LRRTM4: variants seen among roughly 807,000 people sequenced by gnomAD.
The protein encoded by LRRTM4 is leucine-rich repeat transmembrane neuronal protein 4.
Under a neutral mutation model 47.6 loss-of-function variants are expected in LRRTM4, and 25 were observed. The ratio of observed to expected loss-of-function variants is 0.53; its 90% CI spans 0.38 to 0.73. The LOEUF (loss-of-function observed/expected upper bound fraction) is 0.73, where lower values mean the gene tolerates loss of function less well. LRRTM4 is among the 30% of genes least tolerant of loss of function. The pLI is 0.00. For missense variants in LRRTM4, 638 were observed against 713.4 expected (o/e 0.89, Z 1.20); for synonymous variants, 311 against 269.5 (o/e 1.15, Z -1.51).
intron 3 of LRRTM4, among the ~76,000 whole-genome samples, chr2:77,080,261 GTTTTCAATCTCCT>G (rs1680488329): frequency 6.6e-6 from 1 of 152,090 alleles, no homozygotes. Flanking sequence ...CTGGTTGGTT[GTTTTCAATCTCCT>G]TTTTTTGACC....
At chr2:77,296,598 A>G (rs1199502540) in intron 3 of LRRTM4, among the ~76,000 whole-genome samples, 1 of 152,200 alleles carries the variant, frequency 6.6e-6, no homozygotes, top group Non-Finnish European at 1.5e-5. Flanking sequence ...TTTATATAAA[A>G]GGCATACATT....
At chr2:76,975,195 A>G (rs1053182704) in intron 3 of LRRTM4, among the ~76,000 whole-genome samples, 1 of 151,220 alleles carries the variant, frequency 6.6e-6, no homozygotes, top group African/African-American at 2.4e-5. Flanking sequence ...GTTTTTGCTA[A>G]CTGAGTTTCT....
chr2:77,281,683 G>A (rs1676509924), intron 3 of LRRTM4, among the ~76,000 whole-genome samples: 1 of 151,720 alleles, frequency 6.6e-6, no homozygotes, highest in Admixed American at 6.6e-5. Flanking sequence ...AATGATAAGT[G>A]TTATATCCAA....
chr2:77,350,267 A>T (rs1197414689), intron 3 of LRRTM4, among the ~76,000 whole-genome samples: 2 of 131,876 alleles, frequency 1.5e-5, no homozygotes, highest in African/African-American at 2.8e-5. Context: ...CGGAGCTTGC[A>T]GTGAGCCGAG....
intron 3 of LRRTM4, among the ~76,000 whole-genome samples, chr2:77,431,684 G>A (rs1396533009): frequency 5.4e-5 from 8 of 149,176 alleles, no homozygotes. Context: ...CTGGGAATCT[G>A]TGAAATCAAA....
chr2:76,807,395 T>TATGTATATACGTATATATATATATAC, intron 3 of LRRTM4, among the ~76,000 whole-genome samples: 1 of 120,086 alleles, frequency 8.3e-6, no homozygotes, highest in Non-Finnish European at 1.6e-5. Flanking sequence ...TATATATATA[T>TATGTATATACGTATATATATATATAC]ATATGTATAT....
chr2:77,160,445 A>G (rs991992448), intron 3 of LRRTM4, among the ~76,000 whole-genome samples: 1 of 152,018 alleles, frequency 6.6e-6, no homozygotes, highest in Non-Finnish European at 1.5e-5. Context: ...AAATCACTTC[A>G]GTATTTTAGT....
chr2:77,088,593 C>T (rs1403321951), intron 3 of LRRTM4, among the ~76,000 whole-genome samples: 1 of 152,150 alleles, frequency 6.6e-6, no homozygotes, highest in Non-Finnish European at 1.5e-5. Flanking sequence ...TCGGACTCAG[C>T]CCGCCTGCAC....
In LRRTM4 at chr2:77,281,584, A is replaced by G. The variant is rs77694181; in HGVS notation, c.1551+236734T>C. ...CTTCACTATTACGGTAAAAGAAAGA[A>G]CCAATCACATTTGTGCTTTGGTAAT... On this transcript the variant is annotated intron_variant, in intron 3 of 3. Coordinates refer to ENST00000409884, the MANE Select transcript of LRRTM4 (RefSeq NM_001134745.3). 3.3e-4 allele frequency among the ~76,000 whole-genome samples: 50 copies of G among 152,000 alleles called. No individual in the cohort carries two copies. The East Asian group carries it at 9.7e-3, about 29-fold the overall frequency.
At chr2:76,911,445 T>C (rs1404867232) in intron 3 of LRRTM4, among the ~76,000 whole-genome samples, 2 of 152,210 alleles carry the variant, frequency 1.3e-5, no homozygotes, top group African/African-American at 2.4e-5. Context: ...CTGATATAAA[T>C]CTCTTTGTTT....
At chr2:77,396,333 A>C (rs1341834839) in intron 3 of LRRTM4, among the ~76,000 whole-genome samples, 4 of 151,848 alleles carry the variant, frequency 2.6e-5, no homozygotes, top group Non-Finnish European at 5.9e-5. Context: ...TGCTCCCCTC[A>C]AGGCATTCAT....
chr2:77,095,540 C>T (rs1301362853), intron 3 of LRRTM4, among the ~76,000 whole-genome samples: 1 of 148,040 alleles, frequency 6.8e-6, no homozygotes, highest in African/African-American at 2.5e-5. Context: ...GAGTCTCGCT[C>T]TGTCTCCCAG....
rs184013680 is a variant in LRRTM4, at chr2:77,309,651, G to C, written c.1551+208667C>G. Among the ~76,000 whole-genome samples the C allele has an allele frequency of 4.7e-4, 71 of 151,512 alleles. 1 individual carries two copies. The South Asian group carries it at 0.014, about 31-fold the overall frequency. ...CAACATGACTGCAGTAGAATCCTTA[G>C]CAGGCCAGAAGTTTAGATAGATAGA... is the stretch of plus-strand genomic sequence containing the variant. On this transcript the variant is annotated intron_variant, in intron 3 of 3. Coordinates refer to ENST00000409884, the MANE Select transcript of LRRTM4 (RefSeq NM_001134745.3).
At chr2:77,496,416 A>G (rs2104062323) in intron 3 of LRRTM4, among the ~76,000 whole-genome samples, 1 of 151,968 alleles carries the variant, frequency 6.6e-6, no homozygotes, top group South Asian at 2.1e-4. Context: ...TCTTAGGGTG[A>G]AAACATTCTT....
chr2:76,864,953 T>G (rs1672424815), intron 3 of LRRTM4, among the ~76,000 whole-genome samples: 1 of 151,292 alleles, frequency 6.6e-6, no homozygotes. Context: ...CCCAGGCTGG[T>G]CTCAATCTCC....
intron 3 of LRRTM4, among the ~76,000 whole-genome samples, chr2:77,094,678 G>A (rs1670759138): frequency 6.6e-6 from 1 of 152,010 alleles, no homozygotes. Context: ...ACACACATTG[G>A]GTCAAGGTTA....
Position 77,308,022 on chromosome 2 carries a change from TATTATATATCTATATATCTATATAAC to T in LRRTM4, c.1551+210270_1551+210295del, listed in dbSNP as rs897004615. Among the ~76,000 whole-genome samples, 14 of 141,174 alleles carry T rather than the reference TATTATATATCTATATATCTATATAAC, an allele frequency of 9.9e-5. No homozygotes were observed. The South Asian group carries it at 3.0e-3, about 30-fold the overall frequency. The allele number at this position is 141,174 out of a possible 152,430, so 92.6% of individuals were successfully genotyped here. A position where few individuals can be genotyped will look rare whatever the true frequency, so the allele number is the denominator to read the frequency against. On this transcript the variant is annotated intron_variant, in intron 3 of 3. Coordinates refer to ENST00000409884, the MANE Select transcript of LRRTM4 (RefSeq NM_001134745.3). ...TACAACATATATGTTACATATTATA[TATTATATATCTATATATCTATATAAC>T]ATTATATATCTATATATCTATATAA...
At chr2:77,421,193 T>C (rs1390096273) in intron 3 of LRRTM4, among the ~76,000 whole-genome samples, 2 of 152,132 alleles carry the variant, frequency 1.3e-5, no homozygotes, top group African/African-American at 2.4e-5. Context: ...AAATTATGAG[T>C]TATTACGTCT....
intron 3 of LRRTM4, among the ~76,000 whole-genome samples, chr2:76,791,130 G>T (rs1399751527): frequency 1.3e-5 from 2 of 152,088 alleles, no homozygotes; most frequent in African/African-American, 4.8e-5. Flanking sequence ...GTGACATAAG[G>T]CTACTTCTTC....
Sources: gnomAD v4.1 joint callset for allele counts (sites outside exome capture counted in the v4.1 genomes callset) on GRCh38, gnomAD v4.1.1 for gene constraint, MANE v1.5 for transcripts, NCBI Gene and HGNC (gene_info 2026-07-23, HGNC 2026-07-21) for gene names.